NRG3: variants seen among roughly 807,000 people sequenced by gnomAD.
NRG3 encodes pro-neuregulin-3, membrane-bound isoform.
In NRG3, 31 loss-of-function variants were observed where a neutral mutation model predicts 66.9. The observed-to-expected ratio is 0.46, with a 90% confidence interval of 0.35 to 0.63. NRG3 has a LOEUF of 0.63. NRG3 is among the 20% of genes least tolerant of loss of function. The probability of loss-of-function intolerance (pLI) is 0.00; values close to 1 mark genes in which losing one functional copy is unlikely to be tolerated. For synonymous variants in NRG3, 393 were observed against 359.4 expected (o/e 1.09, Z -1.06); for missense variants, 910 against 878.9 (o/e 1.04, Z -0.45).
At position 82,403,131 on chromosome 10, in the gene NRG3, T is replaced by C. The variant is rs940474589; in HGVS notation, c.953+44263T>C. Among the ~76,000 whole-genome samples, 6 of 152,172 alleles carry C rather than the reference T, an allele frequency of 3.9e-5. No individual in the cohort carries two copies. The South Asian group carries it at 8.3e-4, about 21-fold the overall frequency. ...ACGTGAAGACACAAGGAAGCCTTCA[T>C]GCTAGGTAATTATTTCCAGAGGAGC... On this transcript the variant is annotated intron_variant, in intron 2 of 8. Transcript: ENST00000372141.
At chr10:82,319,419 AT>A (rs1174957071) in intron 1 of NRG3, among the ~76,000 whole-genome samples, 1 of 152,218 alleles carries the variant, frequency 6.6e-6, no homozygotes. Flanking sequence ...GGAAGCCTAA[AT>A]TCCGCCGAAA....
Position 81,875,983 on chromosome 10 carries a change from A to T in NRG3, c.643A>T (p.Thr215Ser), listed in dbSNP as rs1330985780. The change falls in exon 1 of 9, where the codon ACT (threonine) becomes TCT (serine). Residue 215 changes from threonine (T) to serine (S), a missense_variant. Thr to Ser is a moderately conservative substitution (Grantham distance 58). Transcript: ENST00000372141. The surrounding 1 kb of genome is among the most constrained non-coding windows in gnomAD (Gnocchi z 5.3). ...GGGCTCCCGACCCCCGGTGCCAGGA[A>T]CTCCAAGTACCCAGGCAATGCCCTC... ...TLGSRPPVPG[T>S]PSTQAMPSWP... 6.2e-7 allele frequency: 1 copy of T among 1,613,856 alleles called. No homozygotes were observed. Among genetic ancestry groups the T allele is most frequent in the Non-Finnish European group, 8.5e-7 (1 of 1,179,984 alleles).
chr10:82,372,682 C>A (rs1314768315), intron 2 of NRG3, among the ~76,000 whole-genome samples: 2 of 152,150 alleles, frequency 1.3e-5, no homozygotes, highest in Non-Finnish European at 2.9e-5. Flanking sequence ...CAACCTCCAC[C>A]TCCCTGGGTC....
chr10:82,196,860 G>T (rs1349775256), intron 1 of NRG3, among the ~76,000 whole-genome samples: 1 of 152,142 alleles, frequency 6.6e-6, no homozygotes, highest in Non-Finnish European at 1.5e-5. Flanking sequence ...GACAATCCCT[G>T]TAGTCCTCGG....
At chr10:82,671,819 G>C (rs1027099519) in intron 2 of NRG3, among the ~76,000 whole-genome samples, 1 of 152,190 alleles carries the variant, frequency 6.6e-6, no homozygotes, top group South Asian at 2.1e-4. Context: ...GAACAAGTGG[G>C]AGATAATTAG....
At chr10:82,226,383 C>T (rs1448400948) in intron 1 of NRG3, among the ~76,000 whole-genome samples, 1 of 152,284 alleles carries the variant, frequency 6.6e-6, no homozygotes, top group African/African-American at 2.4e-5. Context: ...GCTAAGCCAA[C>T]ATTTTAGAAG....
intron 2 of NRG3, among the ~76,000 whole-genome samples, chr10:82,412,068 G>A (rs1330554293): frequency 4.6e-5 from 7 of 152,080 alleles, no homozygotes; most frequent in African/African-American, 1.2e-4. Context: ...ATGATTTTAC[G>A]TTTCATGTGG....
Position 82,859,047 on chromosome 10 carries a change from T to C in NRG3, c.1028-6364T>C, listed in dbSNP as rs561310043. ...CTGCAAGCTCCGCCTCCCCGGTTCATGCCATTCTCCTGCCTCAGCCTCCCG... is the reference window on the plus strand; with the variant it reads ...CTGCAAGCTCCGCCTCCCCGGTTCACGCCATTCTCCTGCCTCAGCCTCCCG... On this transcript the variant is annotated intron_variant, in intron 3 of 8. Coordinates refer to ENST00000372141, the MANE Select transcript of NRG3 (RefSeq NM_001010848.4). 4.0e-5 allele frequency: 6 copies of C among 150,616 alleles called. No homozygotes were observed. In the South Asian group the frequency reaches 1.3e-3, roughly 32 times the overall value. 9.3% of individuals were successfully genotyped at this position (150,616 alleles called of 1,614,324 possible). A position where few individuals can be genotyped will look rare whatever the true frequency, so the allele number is the denominator to read the frequency against.
At chr10:82,513,730 A>C (rs1196024386) in intron 2 of NRG3, among the ~76,000 whole-genome samples, 1 of 152,190 alleles carries the variant, frequency 6.6e-6, no homozygotes, top group Non-Finnish European at 1.5e-5. Context: ...CAGTGGGCCG[A>C]AATTGAGCCA....
At chr10:82,086,661 G>C (rs1158022695) in intron 1 of NRG3, among the ~76,000 whole-genome samples, 2 of 152,100 alleles carry the variant, frequency 1.3e-5, no homozygotes, top group African/African-American at 4.8e-5. Context: ...CATTTCTGCT[G>C]TTTGCTGTGG....
intron 1 of NRG3, among the ~76,000 whole-genome samples, chr10:81,943,735 G>A (rs964498240): frequency 6.6e-6 from 1 of 152,174 alleles, no homozygotes; most frequent in African/African-American, 2.4e-5. Context: ...TGGCCTCTGA[G>A]GCCAAAGGCT....
intron 2 of NRG3, among the ~76,000 whole-genome samples, chr10:82,620,552 T>TTC (rs1360242114): frequency 6.6e-6 from 1 of 152,080 alleles, no homozygotes; most frequent in Non-Finnish European, 1.5e-5. Flanking sequence ...GTCAAGCTGC[T>TTC]TCTCTCTCTC....
At chr10:82,889,650 T>C (rs1842985343) in intron 4 of NRG3, among the ~76,000 whole-genome samples, 1 of 152,186 alleles carries the variant, frequency 6.6e-6, no homozygotes, top group Admixed American at 6.5e-5. Context: ...ATAAGCTAAC[T>C]TGTGCAGCCC....
At chr10:82,858,177 C>T (rs556266587) in intron 3 of NRG3, among the ~76,000 whole-genome samples, 29 of 152,312 alleles carry the variant, frequency 1.9e-4, no homozygotes, top group Admixed American at 1.6e-3. Context: ...AACCCTATTC[C>T]GCTGTCCTTT....
At chr10:82,281,589 A>C (rs1365015355) in intron 1 of NRG3, among the ~76,000 whole-genome samples, 1 of 152,178 alleles carries the variant, frequency 6.6e-6, no homozygotes, top group Non-Finnish European at 1.5e-5. Context: ...TTCAACATGC[A>C]GCTTGCATGA....
chr10:82,046,519 G>T (rs865907641), intron 1 of NRG3, among the ~76,000 whole-genome samples: 2 of 25,806 alleles, frequency 7.8e-5, no homozygotes, highest in African/African-American at 1.2e-4. Flanking sequence ...TGCAAACAGG[G>T]ACAATTTGAC....
chr10:82,215,578 A>G (rs2075622749), intron 1 of NRG3, among the ~76,000 whole-genome samples: 1 of 152,200 alleles, frequency 6.6e-6, no homozygotes, highest in Non-Finnish European at 1.5e-5. Flanking sequence ...ATTTTTCAAG[A>G]CAATACTATG....
At chr10:81,882,663 T>C (rs943273368) in intron 1 of NRG3, among the ~76,000 whole-genome samples, 2 of 152,300 alleles carry the variant, frequency 1.3e-5, no homozygotes, top group East Asian at 3.9e-4. Context: ...GGGAAGTAGA[T>C]AGACTGGTTA....
At chr10:82,686,397 A>G (rs376585490) in intron 2 of NRG3, among the ~76,000 whole-genome samples, 6 of 152,018 alleles carry the variant, frequency 3.9e-5, no homozygotes, top group African/African-American at 1.4e-4. Flanking sequence ...CATGTTGACC[A>G]GGCTGGTCTT....
Sources: gnomAD v4.1 joint callset for allele counts (sites outside exome capture counted in the v4.1 genomes callset) on GRCh38, gnomAD v4.1.1 for gene constraint, Gnocchi (gnomAD v3.1) non-coding constraint, MANE v1.5 for transcripts, NCBI Gene and HGNC (gene_info 2026-07-23, HGNC 2026-07-21) for gene names.